Variants in DIAPH2 observed in about 807,000 individuals in gnomAD.
DIAPH2 encodes diaphanous related formin 2, also known as protein diaphanous homolog 2.
DIAPH2 carries 35 observed loss-of-function variants against 92.7 expected under a neutral mutation model. The ratio of observed to expected loss-of-function variants is 0.38; its 90% confidence interval spans 0.29 to 0.50. The LOEUF (loss-of-function observed/expected upper bound fraction) is 0.50, where lower values mean the gene tolerates loss of function less well. Ranked by LOEUF, DIAPH2 falls within the 20% of genes least tolerant of loss-of-function variation. The pLI is 0.94. For synonymous variants in DIAPH2, 301 were observed against 280.4 expected, an observed-to-expected ratio of 1.07 and a Z score of -0.73; for missense variants, 701 against 819.5, an observed-to-expected ratio of 0.86 and a Z score of 1.77.
chrX:97,591,926 T>C (rs1569430883), intron 26 of DIAPH2, among the ~76,000 whole-genome samples: 1 of 112,119 alleles, frequency 8.9e-6, no homozygotes, highest in African/African-American at 3.2e-5. Flanking sequence ...AGTCCAAAGA[T>C]AATCAATGGC....
intron 26 of DIAPH2, among the ~76,000 whole-genome samples, chrX:97,479,419 T>C (rs1272109520): frequency 8.9e-6 from 1 of 112,335 alleles, no homozygotes; most frequent in Non-Finnish European, 1.9e-5. Flanking sequence ...ATGAAGAGCC[T>C]TGGCATCTAC....
chrX:96,720,654 C>G (rs1386368301), intron 1 of DIAPH2, among the ~76,000 whole-genome samples: 1 of 111,821 alleles, frequency 8.9e-6, no homozygotes, highest in Non-Finnish European at 1.9e-5. Flanking sequence ...ATTCAAGTCA[C>G]TGTTCCGTAA....
chrX:97,099,644 A>C, intron 19 of DIAPH2, 50 bp from the exon 20 acceptor site: 1 of 876,636 alleles, frequency 1.1e-6, no homozygotes, highest in Non-Finnish European at 1.5e-6. Context: ...TGCATGTTTA[A>C]AAATTCTAAT....
chrX:96,930,672 A>T, intron 9 of DIAPH2, 61 bp from the exon 10 acceptor site: 1 of 820,293 alleles, frequency 1.2e-6, no homozygotes, highest in Non-Finnish European at 1.8e-6. Flanking sequence ...ATATTATCTT[A>T]ATGCATTATT....
chrX:97,225,699 T>G (rs1318067496), intron 22 of DIAPH2, among the ~76,000 whole-genome samples: 2 of 111,675 alleles, frequency 1.8e-5, no homozygotes, highest in East Asian at 5.6e-4. Context: ...ATATTGAAAT[T>G]TTTTTTCTCA....
At chrX:97,494,769 T>C (rs755950726) in intron 26 of DIAPH2, among the ~76,000 whole-genome samples, 1 of 112,222 alleles carries the variant, frequency 8.9e-6, no homozygotes, top group Non-Finnish European at 1.9e-5. Context: ...CATAGAGCCA[T>C]GCTAATGTCT....
rs1233138318 is a variant in DIAPH2 at position 96,919,568 on chromosome X, A to G, written c.978+951A>G. The stretch of plus-strand genomic sequence containing the variant: ...ATTTTATCAAGCTACTTAGCATCGA[A>G]TGTTTAACTCTTCAAATTTCTTGCT... On this transcript the variant is annotated intron_variant, in intron 9 of 26. Coordinates refer to ENST00000324765, the MANE Select transcript of DIAPH2 (RefSeq NM_006729.5). 2.7e-5 allele frequency among the ~76,000 whole-genome samples: 3 copies of G among 111,966 alleles called. No homozygotes were observed. In the Admixed American group the frequency reaches 2.9e-4, roughly 11 times the overall value.
intron 23 of DIAPH2, among the ~76,000 whole-genome samples, chrX:97,313,743 A>C (rs1446053008): frequency 9.1e-6 from 1 of 109,639 alleles, no homozygotes; most frequent in Non-Finnish European, 1.9e-5. Flanking sequence ...GGTTCAAGCG[A>C]TTTTTCTGTC....
chrX:97,427,406 G>A (rs2070078593), intron 25 of DIAPH2, among the ~76,000 whole-genome samples: 1 of 111,059 alleles, frequency 9.0e-6, no homozygotes, highest in Non-Finnish European at 1.9e-5. Context: ...AAAGAGCACT[G>A]GGCTTGGTAT....
chrX:97,401,721 C>T (rs182551466), intron 25 of DIAPH2, among the ~76,000 whole-genome samples: 2 of 111,740 alleles, frequency 1.8e-5, no homozygotes, highest in African/African-American at 6.5e-5. Context: ...TAACAACCTC[C>T]CTAGGTGATT....
chrX:96,927,468 T>C (rs1602635851), intron 9 of DIAPH2, among the ~76,000 whole-genome samples: 1 of 110,279 alleles, frequency 9.1e-6, no homozygotes, highest in East Asian at 2.8e-4. Context: ...CCAGATCTCT[T>C]TTTTTCTTTA....
At chrX:97,184,619 T>A (rs146521073) in intron 22 of DIAPH2, among the ~76,000 whole-genome samples, 1 of 111,119 alleles carries the variant, frequency 9.0e-6, no homozygotes, top group African/African-American at 3.3e-5. Context: ...CCTGGGGAGA[T>A]TGAGTTAAAG....
intron 24 of DIAPH2, among the ~76,000 whole-genome samples, chrX:97,348,662 A>C (rs2069180206): frequency 8.9e-6 from 1 of 112,296 alleles, no homozygotes; most frequent in African/African-American, 3.2e-5. Flanking sequence ...TGTGATTTAT[A>C]AATAAGTTTC....
intron 22 of DIAPH2, among the ~76,000 whole-genome samples, chrX:97,155,265 G>A (rs2067313791): frequency 9.0e-6 from 1 of 111,502 alleles, no homozygotes; most frequent in Non-Finnish European, 1.9e-5. Flanking sequence ...CACTTTGGGA[G>A]GGTGAGGCGG....
At chrX:97,206,609 AT>A (rs772150347) in intron 22 of DIAPH2, among the ~76,000 whole-genome samples, 68 of 112,207 alleles carry the variant, frequency 6.1e-4, no homozygotes, top group African/African-American at 2.1e-3. Context: ...ATATAATCAG[AT>A]GATCAATTTA....
chrX:97,053,176 C>T (rs1372264279), intron 17 of DIAPH2, among the ~76,000 whole-genome samples: 2 of 111,160 alleles, frequency 1.8e-5, no homozygotes, highest in Non-Finnish European at 3.8e-5. Flanking sequence ...TTGCCCCATA[C>T]TTGAGGCCTT....
chrX:97,214,131 G>A (rs999293955), intron 22 of DIAPH2, among the ~76,000 whole-genome samples: 2 of 112,271 alleles, frequency 1.8e-5, no homozygotes, highest in East Asian at 2.8e-4. Flanking sequence ...AAATCAAATC[G>A]CTGCTACTTG....
At chrX:97,440,618 A>C (rs1302939645) in intron 26 of DIAPH2, among the ~76,000 whole-genome samples, 11 of 108,577 alleles carry the variant, frequency 1.0e-4, no homozygotes, top group Non-Finnish European at 2.1e-4. Flanking sequence ...AAAAAAAAGA[A>C]AGAGAGAGTG....
intron 4 of DIAPH2, among the ~76,000 whole-genome samples, chrX:96,874,863 T>A (rs937388320): frequency 8.9e-6 from 1 of 112,121 alleles, no homozygotes; most frequent in African/African-American, 3.2e-5. Flanking sequence ...AGTAACAATA[T>A]GGACACAGAA....
Sources: allele counts gnomAD v4.1 joint callset (sites outside exome capture counted in the v4.1 genomes callset), GRCh38; gene constraint gnomAD v4.1.1; transcripts MANE v1.5; gene names NCBI Gene and HGNC (gene_info 2026-07-23, HGNC 2026-07-21).